The following GALNT18 variants were observed in gnomAD, a reference collection of about 807,000 sequenced individuals.
The protein encoded by GALNT18 is polypeptide N-acetylgalactosaminyltransferase 18, also known as GalNAc-transferase 18.
Under a neutral mutation model 69.5 loss-of-function variants are expected in GALNT18, and 44 were observed. That is an observed-to-expected ratio of 0.63 (90% CI 0.50 to 0.81). The LOEUF (loss-of-function observed/expected upper bound fraction) is 0.81, where lower values mean the gene tolerates loss of function less well. GALNT18 is among the 40% of genes least tolerant of loss of function. The probability of loss-of-function intolerance (pLI) is 0.00; values close to 1 mark genes in which losing one functional copy is unlikely to be tolerated. For synonymous variants in GALNT18, 364 were observed against 318.2 expected (o/e 1.14, Z -1.53); for missense variants, 715 against 810.0 (o/e 0.88, Z 1.42).
chr11:11,343,724 T>C (rs1433545874), intron 6 of GALNT18, among the ~76,000 whole-genome samples: 1 of 152,232 alleles, frequency 6.6e-6, no homozygotes, highest in Non-Finnish European at 1.5e-5. Context: ...GAACAGTGGC[T>C]ATTGCTTGAC....
At chr11:11,298,577 TC>T (rs1298987387) in intron 9 of GALNT18, among the ~76,000 whole-genome samples, 2 of 152,076 alleles carry the variant, frequency 1.3e-5, no homozygotes, top group Non-Finnish European at 2.9e-5. Flanking sequence ...GGGAGCTTGG[TC>T]CCGAGGGCCA....
chr11:11,272,830 A>C (rs557392167), intron 10 of GALNT18, among the ~76,000 whole-genome samples: 8 of 152,222 alleles, frequency 5.3e-5, no homozygotes, highest in South Asian at 4.2e-4. Flanking sequence ...AAGTGCACTG[A>C]GAGAGGGAGA....
At chr11:11,289,562 C>A (rs766313871) in intron 10 of GALNT18, among the ~76,000 whole-genome samples, 45 of 152,194 alleles carry the variant, frequency 3.0e-4, no homozygotes, top group Non-Finnish European at 4.4e-4. Flanking sequence ...CTCAAGGATG[C>A]CCATTTTACA....
intron 1 of GALNT18, among the ~76,000 whole-genome samples, chr11:11,472,402 C>T (rs1247066505): frequency 1.3e-5 from 2 of 152,140 alleles, no homozygotes; most frequent in Non-Finnish European, 1.5e-5. Context: ...CTTTTCTGCC[C>T]CCAGTAAATC....
intron 9 of GALNT18, among the ~76,000 whole-genome samples, chr11:11,294,732 C>CTTCAATGTT: frequency 6.6e-6 from 1 of 152,262 alleles, no homozygotes; most frequent in South Asian, 2.1e-4. Flanking sequence ...GACTCTTGGC[C>CTTCAATGTT]TTCAATGTTT....
intron 10 of GALNT18, among the ~76,000 whole-genome samples, chr11:11,281,389 G>A (rs758256440): frequency 3.3e-5 from 5 of 152,176 alleles, no homozygotes; most frequent in Admixed American, 6.5e-5. Context: ...TAAACCGTAC[G>A]GATCGGAGGA....
intron 2 of GALNT18, among the ~76,000 whole-genome samples, chr11:11,434,215 C>T (rs1855345047): frequency 6.6e-6 from 1 of 152,170 alleles, no homozygotes; most frequent in Admixed American, 6.5e-5. Flanking sequence ...CTATTTCCAG[C>T]TCTCCTTCTC....
At position 11,322,203 on chromosome 11, in the gene GALNT18, T is replaced by C. The variant is rs375519409; in HGVS notation, c.1512+4883A>G. Among the ~76,000 whole-genome samples the C allele has an allele frequency of 6.6e-5, 10 of 152,206 alleles. No homozygotes were observed. In the East Asian group the frequency reaches 1.3e-3, roughly 20 times the overall value. ...GTCCACATTTTACAAACTAAAAAAA[T>C]AGGCTTAGATTTTAAAACCTTGCCA... On this transcript the variant is annotated intron_variant, in intron 9 of 10. Transcript: ENST00000227756.
rs193036418 is a variant in GALNT18, at chr11:11,272,140, G to T, written c.1678-850C>A. Among the ~76,000 whole-genome samples the T allele has an allele frequency of 1.6e-3, 240 of 152,250 alleles. 2 individuals carry two copies. Among genetic ancestry groups the T allele is most frequent in the Non-Finnish European group, 1.6e-4 (11 of 68,028 alleles). On this transcript the variant is annotated intron_variant, in intron 10 of 10. Coordinates refer to ENST00000227756, the MANE Select transcript of GALNT18 (RefSeq NM_198516.3). ...CCCCTTGTAGCTTAATGGCACTTGA[G>T]TATATGGTCAAACTCACTTTTTCCC...
At chr11:11,331,720 CT>C (rs1330087111) in intron 8 of GALNT18, among the ~76,000 whole-genome samples, 1 of 152,124 alleles carries the variant, frequency 6.6e-6, no homozygotes, top group African/African-American at 2.4e-5. Context: ...AAAAATCACT[CT>C]TTGACTCTGT....
intron 9 of GALNT18, among the ~76,000 whole-genome samples, chr11:11,305,477 A>T (rs1383178561): frequency 6.6e-6 from 1 of 152,208 alleles, no homozygotes; most frequent in African/African-American, 2.4e-5. Context: ...TTGAACATAT[A>T]TACCAATGAG....
chr11:11,274,260 C>G (rs909586309), intron 10 of GALNT18, among the ~76,000 whole-genome samples: 18 of 152,210 alleles, frequency 1.2e-4, no homozygotes, highest in Admixed American at 9.8e-4. Flanking sequence ...GCTGTTTGGG[C>G]AGACACTGAG....
intron 1 of GALNT18, among the ~76,000 whole-genome samples, chr11:11,593,580 T>TC (rs1398515470): frequency 1.3e-5 from 2 of 152,190 alleles, no homozygotes; most frequent in African/African-American, 4.8e-5. Flanking sequence ...CACATCTAAT[T>TC]TTTTTTTCTA....
intron 1 of GALNT18, among the ~76,000 whole-genome samples, chr11:11,597,660 AT>A (rs1378247643): frequency 6.8e-6 from 1 of 146,232 alleles, no homozygotes; most frequent in Non-Finnish European, 1.5e-5. Flanking sequence ...TAATTTGAGT[AT>A]TCTTTTTTTT....
At position 11,620,784 on chromosome 11, in the gene GALNT18, G is replaced by C; in HGVS notation, c.235+575C>G. On this transcript the variant is annotated intron_variant, in intron 1 of 10. Coordinates refer to ENST00000227756, the MANE Select transcript of GALNT18 (RefSeq NM_198516.3). This position sits in a 1 kb window ranked among gnomAD's most constrained non-coding sequence, Gnocchi z 6.9. ...TTCAAGCGGCTTTTCAACCACAGAG[G>C]GCTCCTTGCATTCCCTATCGCCTAC... 6.6e-6 allele frequency among the ~76,000 whole-genome samples: 1 copy of C among 152,132 alleles called. No homozygotes were observed. Among genetic ancestry groups the C allele is most frequent in the African/African-American group, 2.4e-5 (1 of 41,420 alleles).
rs1854793459 is a variant in GALNT18 at position 11,413,968 on chromosome 11, C to G, written c.595+18653G>C. ...CTTACTCACCAAACCTGTTCTTCCT[C>G]TAATTCTGTCTGGCCCATCTTGCAA... On this transcript the variant is annotated intron_variant, in intron 3 of 10. Transcript: ENST00000227756. This position sits in a 1 kb window ranked among gnomAD's most constrained non-coding sequence, Gnocchi z 4.7. Among the ~76,000 whole-genome samples, 2 of 152,232 alleles carry G rather than the reference C, an allele frequency of 1.3e-5. No individual in the cohort carries two copies. The highest frequency in any genetic ancestry group is 1.3e-4 in the Admixed American group (2 of 15,288).
intron 1 of GALNT18, among the ~76,000 whole-genome samples, chr11:11,464,128 C>T (rs1856107989): frequency 6.6e-6 from 1 of 152,232 alleles, no homozygotes; most frequent in South Asian, 2.1e-4. Flanking sequence ...CTTTGAAAAG[C>T]ATCCATACTG....
At chr11:11,607,018 G>A (rs753954303) in intron 1 of GALNT18, among the ~76,000 whole-genome samples, 4 of 152,200 alleles carry the variant, frequency 2.6e-5, no homozygotes, top group African/African-American at 4.8e-5. Flanking sequence ...AAAGTAGGAA[G>A]GTTTACCCTT....
intron 10 of GALNT18, among the ~76,000 whole-genome samples, chr11:11,275,167 TAA>T (rs1321592633): frequency 6.6e-6 from 1 of 152,252 alleles, no homozygotes; most frequent in African/African-American, 2.4e-5. Context: ...ACCAACAGTG[TAA>T]AAGTGTTCCT....
Sources: gnomAD v4.1 joint callset for allele counts (sites outside exome capture counted in the v4.1 genomes callset) on GRCh38, gnomAD v4.1.1 for gene constraint, Gnocchi (gnomAD v3.1) non-coding constraint, MANE v1.5 for transcripts, NCBI Gene and HGNC (gene_info 2026-07-23, HGNC 2026-07-21) for gene names.